Variants in CDK14 observed in about 807,000 individuals in gnomAD.
CDK14 encodes cyclin dependent kinase 14.
A neutral mutation model predicts 60.7 loss-of-function variants in CDK14; 34 were observed. The observed-to-expected ratio is 0.56, with a 90% CI of 0.43 to 0.75. The LOEUF (loss-of-function observed/expected upper bound fraction) is 0.75, where lower values mean the gene tolerates loss of function less well. Among genes scored for constraint, CDK14 ranks in the 30% least tolerant of loss-of-function variants. The pLI, the probability that CDK14 is intolerant of heterozygous loss-of-function variation, is 0.00. For synonymous variants in CDK14, 197 were observed against 203.7 expected, an observed-to-expected ratio of 0.97 and a Z score of 0.28; for missense variants, 482 against 564.1, an observed-to-expected ratio of 0.85 and a Z score of 1.47.
chr7:90,702,204 C>T (rs557119494), intron 2 of CDK14, among the ~76,000 whole-genome samples: 6 of 152,270 alleles, frequency 3.9e-5, no homozygotes, highest in African/African-American at 1.4e-4. Flanking sequence ...AGGAACCTAT[C>T]CTATTTTAAT....
rs544072149 is a variant in CDK14, at chr7:90,638,898, T to C, written c.123+34649T>C. 7.0e-4 allele frequency among the ~76,000 whole-genome samples: 106 copies of C among 152,000 alleles called. 1 individual carries two copies. The highest frequency in any genetic ancestry group is 6.8e-3 in the Middle Eastern group (2 of 294). On this transcript the variant is annotated intron_variant, in intron 2 of 14. Transcript: ENST00000380050. ...CATTCATTTCATCTTCCATCACTGG[T>C]ACCCTTTCTTCCAGTTGATCGCATC...
chr7:90,673,599 A>G (rs1801141877), intron 2 of CDK14, among the ~76,000 whole-genome samples: 1 of 152,336 alleles, frequency 6.6e-6, no homozygotes, highest in Admixed American at 6.5e-5. Context: ...TTGCTCAGAG[A>G]CACAATAGAT....
chr7:91,125,030 A>G (rs1248099736), intron 14 of CDK14, among the ~76,000 whole-genome samples: 3 of 152,198 alleles, frequency 2.0e-5, no homozygotes, highest in Admixed American at 2.0e-4. Context: ...GAAGTGTCTA[A>G]GCATAAAAGG....
intron 2 of CDK14, among the ~76,000 whole-genome samples, chr7:90,619,256 C>T (rs1267327066): frequency 6.6e-6 from 1 of 152,144 alleles, no homozygotes; most frequent in Non-Finnish European, 1.5e-5. Flanking sequence ...GTGTCTACTG[C>T]ACAATATTGA....
chr7:90,764,287 C>G (rs759639354), intron 4 of CDK14, among the ~76,000 whole-genome samples: 1 of 152,182 alleles, frequency 6.6e-6, no homozygotes, highest in Non-Finnish European at 1.5e-5. Context: ...ATGACCTACT[C>G]AGGTGCCTTA....
At chr7:91,067,482 A>T (rs1178487466) in intron 11 of CDK14, among the ~76,000 whole-genome samples, 1 of 152,198 alleles carries the variant, frequency 6.6e-6, no homozygotes, top group African/African-American at 2.4e-5. Flanking sequence ...CTCTAGCTGT[A>T]GTCTCTAGTG....
chr7:91,099,526 A>C (rs1186077859), intron 12 of CDK14, among the ~76,000 whole-genome samples: 1 of 152,148 alleles, frequency 6.6e-6, no homozygotes, highest in Non-Finnish European at 1.5e-5. Context: ...ATTCACTAAC[A>C]ATTTACTTTG....
chr7:90,948,940 T>C (rs1794176085), intron 8 of CDK14, among the ~76,000 whole-genome samples: 1 of 152,234 alleles, frequency 6.6e-6, no homozygotes, highest in African/African-American at 2.4e-5. Context: ...CATTATAGTA[T>C]TTAGCCAAAG....
intron 2 of CDK14, among the ~76,000 whole-genome samples, chr7:90,651,130 C>T (rs543287039): frequency 1.1e-3 from 167 of 152,276 alleles, no homozygotes; most frequent in African/African-American, 3.7e-3. Flanking sequence ...TCTTTTGTTT[C>T]ATTGAGCAGT....
intron 6 of CDK14, among the ~76,000 whole-genome samples, chr7:90,877,052 TG>T (rs573400129): frequency 6.6e-6 from 1 of 152,206 alleles, no homozygotes; most frequent in Non-Finnish European, 1.5e-5. Flanking sequence ...GTTGTTGGTT[TG>T]TTTTTTTATG....
At position 90,747,726 on chromosome 7, in the gene CDK14, GA is replaced by G; in HGVS notation, c.420del (p.Lys140AsnfsTer2). The G allele has an allele frequency of 6.3e-7, 1 of 1,597,090 alleles. No homozygotes were observed. The highest frequency in any genetic ancestry group is 1.2e-5 in the South Asian group (1 of 86,868). The stretch of plus-strand genomic sequence containing the variant: ...AAAAGCTGACTCATATGAAAAGCTG[GA>G]AAAACTAGGGGAAGGATCTTATGCT... The part of the protein sequence containing the change: ...FGKADSYEKL[E>X]KLGEGSYATV... On this transcript the variant is annotated frameshift_variant, in exon 4 of 15. Coordinates refer to ENST00000380050, the MANE Select transcript of CDK14 (RefSeq NM_001287135.2). LOFTEE classifies it high-confidence loss of function.
intron 5 of CDK14, among the ~76,000 whole-genome samples, chr7:90,849,719 A>T (rs1220574496): frequency 6.6e-6 from 1 of 152,008 alleles, no homozygotes; most frequent in African/African-American, 2.4e-5. Flanking sequence ...GTGTTTATTT[A>T]TGTGAAAATT....
chr7:90,648,323 T>A (rs931607250), intron 2 of CDK14, among the ~76,000 whole-genome samples: 5 of 152,282 alleles, frequency 3.3e-5, no homozygotes, highest in Admixed American at 6.5e-5. Flanking sequence ...CCTGAGTGTC[T>A]TCACATTCTG....
chr7:90,724,759 A>AT (rs1048941694), intron 2 of CDK14, among the ~76,000 whole-genome samples: 7 of 149,598 alleles, frequency 4.7e-5, no homozygotes, highest in Admixed American at 1.3e-4. Flanking sequence ...GTGCCCTTAC[A>AT]TTTTTTTTTC....
At chr7:91,104,195 G>C (rs944542001) in intron 12 of CDK14, among the ~76,000 whole-genome samples, 1 of 151,934 alleles carries the variant, frequency 6.6e-6, no homozygotes, top group African/African-American at 2.4e-5. Context: ...GAACATAGAG[G>C]CTCATTGAGT....
At chr7:91,010,850 TCCCTCCCTCCCTCC>T (rs1796138979) in intron 10 of CDK14, among the ~76,000 whole-genome samples, 1 of 100,340 alleles carries the variant, frequency 1.0e-5, no homozygotes, top group African/African-American at 3.7e-5. Flanking sequence ...CCTCCCTCCC[TCCCTCCCTCCCTCC>T]CTCTCTCTCT....
At chr7:91,120,335 ATT>A (rs142471632) in intron 14 of CDK14, among the ~76,000 whole-genome samples, 1 of 152,138 alleles carries the variant, frequency 6.6e-6, no homozygotes, top group African/African-American at 2.4e-5. Context: ...TTGAAAAGAG[ATT>A]TTTTTAAAAG....
intron 14 of CDK14, among the ~76,000 whole-genome samples, chr7:91,174,869 T>A (rs1801671147): frequency 8.5e-6 from 1 of 117,120 alleles, no homozygotes; most frequent in Admixed American, 9.0e-5. Context: ...TGGAACCAAG[T>A]TGGAAAACAC....
intron 5 of CDK14, among the ~76,000 whole-genome samples, chr7:90,851,162 A>G (rs549932424): frequency 2.0e-5 from 3 of 152,312 alleles, no homozygotes; most frequent in Admixed American, 6.5e-5. Flanking sequence ...TTTGAGACCT[A>G]TGACCAAATT....
Sources: allele counts gnomAD v4.1 joint callset (sites outside exome capture counted in the v4.1 genomes callset), GRCh38; gene constraint gnomAD v4.1.1; transcripts MANE v1.5; gene names NCBI Gene and HGNC (gene_info 2026-07-23, HGNC 2026-07-21).